ABL2: variants seen among roughly 807,000 people sequenced by gnomAD.
ABL2 encodes the protein tyrosine-protein kinase ABL2.
A neutral mutation model predicts 107.7 loss-of-function variants in ABL2; 49 were observed. The observed-to-expected ratio is 0.45, with a 90% confidence interval of 0.36 to 0.58. ABL2 has a LOEUF of 0.58. ABL2 is among the 20% of genes least tolerant of loss of function. The pLI is 0.00. For missense variants in ABL2, 1,245 were observed against 1,457.0 expected (o/e 0.85, Z 2.37); for synonymous variants, 549 against 548.6 (o/e 1.00, Z -0.01).
At position 179,117,436 on chromosome 1, in the gene ABL2, G is replaced by A; in HGVS notation, c.1304C>T (p.Thr435Ile). Residue 435 changes from threonine (T) to isoleucine (I), a missense_variant, in exon 8 of 12, where the codon ACT becomes ATT. Physicochemically the swap from Thr to Ile is moderately conservative, Grantham distance 89. Coordinates refer to ENST00000502732, the MANE Select transcript of ABL2 (RefSeq NM_007314.4). ...AGCATGAGCAGTATAAGTGTCTCCAGTCATCAATCTACTTAAGCCAAAGTC... is the reference window on the plus strand; with the variant it reads ...AGCATGAGCAGTATAAGTGTCTCCAATCATCAATCTACTTAAGCCAAAGTC... Reference protein sequence around the residue: ...VADFGLSRLMTGDTYTAHAGA... With the variant: ...VADFGLSRLMIGDTYTAHAGA... The A allele has an allele frequency of 6.2e-7, 1 of 1,614,146 alleles. No individual in the cohort carries two copies. The highest frequency in any genetic ancestry group is 8.5e-7 in the Non-Finnish European group (1 of 1,180,030).
intron 1 of ABL2, among the ~76,000 whole-genome samples, chr1:179,191,995 C>G (rs1422983138): frequency 1.3e-5 from 2 of 152,126 alleles, no homozygotes; most frequent in African/African-American, 4.8e-5. Context: ...AAGAAAAATA[C>G]ATTTAATTGC....
intron 1 of ABL2, among the ~76,000 whole-genome samples, chr1:179,199,616 C>T (rs538378223): frequency 6.6e-6 from 1 of 152,246 alleles, no homozygotes; most frequent in Non-Finnish European, 1.5e-5. Flanking sequence ...TCTCAAACCA[C>T]CCTATGCAGC....
At chr1:179,197,867 C>CAAAA (rs71804838) in intron 1 of ABL2, among the ~76,000 whole-genome samples, 1 of 137,178 alleles carries the variant, frequency 7.3e-6, no homozygotes. Context: ...GAAACTGTCT[C>CAAAA]AAAAAAAAAA....
chr1:179,144,447 G>A (rs191100283), intron 1 of ABL2, among the ~76,000 whole-genome samples: 31 of 152,122 alleles, frequency 2.0e-4, no homozygotes, highest in Admixed American at 3.3e-4. Context: ...GCGACAGAGC[G>A]AGACTCCATC....
At chr1:179,135,816 G>A (rs1237535579) in intron 1 of ABL2, among the ~76,000 whole-genome samples, 4 of 140,486 alleles carry the variant, frequency 2.8e-5, no homozygotes, top group Non-Finnish European at 6.3e-5. Context: ...CCCCGTCCGG[G>A]AGGGAGGGAG....
In ABL2 at chr1:179,221,426, A is replaced by C. The variant is rs540402003; in HGVS notation, c.157+7815T>G. Among the ~76,000 whole-genome samples, 9 of 152,276 alleles carry C rather than the reference A, an allele frequency of 5.9e-5. No individual in the cohort carries two copies. In the South Asian group the frequency reaches 1.9e-3, roughly 32 times the overall value. ...GCCAATATGGTGAAAACCCATCTGT[A>C]CTGAAAATACAAAAATTAGCCAGGC... On this transcript the variant is annotated intron_variant, in intron 1 of 11. Coordinates refer to ENST00000502732, the MANE Select transcript of ABL2 (RefSeq NM_007314.4).
intron 1 of ABL2, among the ~76,000 whole-genome samples, chr1:179,228,050 C>CAAAAAA (rs34070201): frequency 1.6e-5 from 1 of 63,394 alleles, no homozygotes; most frequent in Non-Finnish European, 2.8e-5. Flanking sequence ...ACTCCGTCTC[C>CAAAAAA]AAAAAAAAAA....
chr1:179,174,028 G>A (rs1359036546), intron 1 of ABL2, among the ~76,000 whole-genome samples: 4 of 152,150 alleles, frequency 2.6e-5, no homozygotes, highest in South Asian at 2.1e-4. Flanking sequence ...GGTGGCTCAC[G>A]CCTTTAATCC....
intron 1 of ABL2, among the ~76,000 whole-genome samples, chr1:179,160,655 A>T (rs1321575073): frequency 2.0e-5 from 3 of 149,932 alleles, no homozygotes; most frequent in African/African-American, 7.4e-5. Flanking sequence ...TGAGTCTTTT[A>T]AAAATATCTT....
rs1193051546 is a variant in ABL2, at chr1:179,108,184, C to T, written c.3083G>A (p.Gly1028Asp). 6.2e-7 allele frequency: 1 copy of T among 1,614,188 alleles called. No homozygotes were observed. Among genetic ancestry groups the T allele is most frequent in the Admixed American group, 1.7e-5 (1 of 60,022 alleles). The change falls in exon 12 of 12, where the codon GGC becomes GAC. Residue 1028 changes from glycine to aspartate, a missense_variant. Around this residue, in one of 3 missense-constraint regions of ABL2, gnomAD observed 761 missense variants for 766.4 expected, o/e 0.99. Coordinates refer to ENST00000502732, the MANE Select transcript of ABL2 (RefSeq NM_007314.4). ...TQEGGKKAAL[G>D]AVPISGKAGR... is the part of the protein sequence containing the mutation. ...AGCTTTCCCACTGATGGGCACTGCG[C>T]CCAGAGCTGCCTTCTTTCCTCCTTC...
At chr1:179,196,424 T>C (rs906853761) in intron 1 of ABL2, 3 of 152,218 alleles carry the variant, frequency 2.0e-5, no homozygotes, top group Non-Finnish European at 2.9e-5. Flanking sequence ...TTGTCTGTAC[T>C]TAAGTAGAAT....
At chr1:179,134,465 G>A (rs1007772718) in intron 1 of ABL2, among the ~76,000 whole-genome samples, 10 of 152,092 alleles carry the variant, frequency 6.6e-5, no homozygotes, top group East Asian at 1.9e-4. Flanking sequence ...CTTGGGAACC[G>A]GGATGGCGTT....
chr1:179,147,269 G>T (rs1020982601), intron 1 of ABL2, among the ~76,000 whole-genome samples: 5 of 143,146 alleles, frequency 3.5e-5, no homozygotes, highest in African/African-American at 1.3e-4. Context: ...TGGTGGAAAT[G>T]TAAGTTAGCA....
intron 1 of ABL2, among the ~76,000 whole-genome samples, chr1:179,194,843 C>G (rs1305732401): frequency 2.6e-5 from 4 of 152,022 alleles, no homozygotes; most frequent in African/African-American, 9.7e-5. Context: ...CACTATAAAA[C>G]AAAGACCAAC....
At chr1:179,191,610 T>C (rs773733584) in intron 1 of ABL2, among the ~76,000 whole-genome samples, 1 of 151,768 alleles carries the variant, frequency 6.6e-6, no homozygotes, top group African/African-American at 2.4e-5. Flanking sequence ...TTAGTAGAGA[T>C]AGGGTTTCAC....
intron 1 of ABL2, among the ~76,000 whole-genome samples, chr1:179,211,550 T>G (rs896451771): frequency 1.3e-5 from 2 of 151,826 alleles, no homozygotes; most frequent in Non-Finnish European, 2.9e-5. Context: ...TTTTTATAAG[T>G]GCAATTAAAC....
In ABL2 at chr1:179,103,719, C is replaced by T. The variant is rs759517355; in HGVS notation, c.*3999G>A. 4.4e-6 allele frequency: 1 copy of T among 228,076 alleles called. No individual in the cohort carries two copies. The highest frequency in any genetic ancestry group is 8.7e-6 in the Non-Finnish European group (1 of 114,558). 14.1% of individuals were successfully genotyped at this position (228,076 alleles called of 1,614,324 possible). A position where few individuals can be genotyped will look rare whatever the true frequency, so the allele number is the denominator to read the frequency against. On this transcript the variant is annotated 3_prime_UTR_variant, in exon 12 of 12. Coordinates refer to ENST00000502732, the MANE Select transcript of ABL2 (RefSeq NM_007314.4). ...GCTTTAGAAAGTGTGCAGCACCACA[C>T]AGGCTGATTGTCGGTCTGAGCCACT...
At chr1:179,134,197 T>C (rs985756445) in intron 1 of ABL2, among the ~76,000 whole-genome samples, 1 of 152,172 alleles carries the variant, frequency 6.6e-6, no homozygotes, top group Admixed American at 6.6e-5. Context: ...CACAAACATA[T>C]AAGTGACAGG....
At chr1:179,214,369 C>T (rs1662444576) in intron 1 of ABL2, among the ~76,000 whole-genome samples, 1 of 151,728 alleles carries the variant, frequency 6.6e-6, no homozygotes, top group South Asian at 2.1e-4. Context: ...ATATAAGATG[C>T]AACATCTAAA....
Sources: gnomAD v4.1 joint callset for allele counts (sites outside exome capture counted in the v4.1 genomes callset) on GRCh38, gnomAD v4.1.1 for gene constraint, gnomAD v4.1.1 regional missense constraint, MANE v1.5 for transcripts, NCBI Gene and HGNC (gene_info 2026-07-23, HGNC 2026-07-21) for gene names.